Variants in AKAP13 observed in about 807,000 individuals in gnomAD.
The protein encoded by AKAP13 is A-kinase anchoring protein 13, also known as A-kinase anchor protein 13.
AKAP13 carries 80 observed loss-of-function variants against 264.5 expected under a neutral mutation model. The ratio of observed to expected loss-of-function variants is 0.30; its 90% CI spans 0.25 to 0.36. The LOEUF is 0.36. AKAP13 is among the 10% of genes least tolerant of loss of function. AKAP13 has a pLI of 1.00. For synonymous variants in AKAP13, 1,380 were observed against 1,250.2 expected (o/e 1.10, Z -2.19); for missense variants, 3,712 against 3,435.2 (o/e 1.08, Z -2.01).
chr15:85,464,979 C>T (rs573876842), intron 1 of AKAP13, among the ~76,000 whole-genome samples: 2 of 152,264 alleles, frequency 1.3e-5, no homozygotes, highest in East Asian at 3.9e-4. Context: ...CTTGCTCTGT[C>T]GCCCAGGCTG....
intron 1 of AKAP13, among the ~76,000 whole-genome samples, chr15:85,381,445 A>G (rs998863520): frequency 1.8e-4 from 26 of 142,496 alleles, no homozygotes; most frequent in Middle Eastern, 4.0e-3. Flanking sequence ...CCGTGCAGCC[A>G]GCCGGCTCAG....
At chr15:85,633,445 A>C (rs551061535) in intron 8 of AKAP13, among the ~76,000 whole-genome samples, 52 of 152,100 alleles carry the variant, frequency 3.4e-4, no homozygotes, top group African/African-American at 1.1e-3. Flanking sequence ...ATTAGCAGAG[A>C]ATCTTATTTC....
At chr15:85,561,952 A>G (rs925516267) in intron 5 of AKAP13, among the ~76,000 whole-genome samples, 1 of 152,190 alleles carries the variant, frequency 6.6e-6, no homozygotes, top group Non-Finnish European at 1.5e-5. Flanking sequence ...TCTCTGCTAC[A>G]AAATAGGCAG....
At chr15:85,524,574 G>C (rs1567104650) in intron 3 of AKAP13, among the ~76,000 whole-genome samples, 1 of 151,836 alleles carries the variant, frequency 6.6e-6, no homozygotes, top group Non-Finnish European at 1.5e-5. Flanking sequence ...TGTGTGTTTT[G>C]TAACATTTTA....
At chr15:85,467,075 T>TACACACAC (rs3054059) in intron 1 of AKAP13, among the ~76,000 whole-genome samples, 1 of 149,388 alleles carries the variant, frequency 6.7e-6, no homozygotes, top group African/African-American at 2.5e-5. Flanking sequence ...TTGTATTAAC[T>TACACACAC]ACACACACAC....
rs2087403628 is a variant in AKAP13 at position 85,723,271 on chromosome 15, T to C, written c.6696T>C (p.Leu2232=). The change falls in exon 26 of 37, where the codon CTT becomes CTC. Residue 2232 remains leucine, a synonymous_variant. Transcript: ENST00000394518. ...AGGAAGATTTGAAACGGAAGAAGCT[T>C]GTACGTGATGGGAGTGTGTTTCTGA... The part of the protein sequence containing the change: ...FAKEDLKRKK[L]VRDGSVFLKN... 1 of 1,613,986 alleles carries C rather than the reference T, an allele frequency of 6.2e-7. No homozygotes were observed. The highest frequency in any genetic ancestry group is 1.3e-5 in the African/African-American group (1 of 74,924).
intron 1 of AKAP13, among the ~76,000 whole-genome samples, chr15:85,425,915 A>C (rs2072756244): frequency 6.6e-6 from 1 of 151,988 alleles, no homozygotes; most frequent in Non-Finnish European, 1.5e-5. Flanking sequence ...AAAAAAAAAA[A>C]GAGTCATTAT....
intron 15 of AKAP13, among the ~76,000 whole-genome samples, chr15:85,683,286 G>T (rs1175722818): frequency 1.3e-5 from 2 of 152,130 alleles, no homozygotes; most frequent in Non-Finnish European, 2.9e-5. Flanking sequence ...ACTGACTGTT[G>T]ACAGGACCCC....
intron 2 of AKAP13, among the ~76,000 whole-genome samples, chr15:85,488,286 A>G (rs1049535988): frequency 2.6e-5 from 4 of 152,238 alleles, no homozygotes; most frequent in Non-Finnish European, 4.4e-5. Context: ...GTATCATTTG[A>G]TAATGCTGCA....
At chr15:85,520,498 C>CAAAAAAAAAAAAAAAAAA (rs71468111) in intron 2 of AKAP13, among the ~76,000 whole-genome samples, 1 of 71,294 alleles carries the variant, frequency 1.4e-5, no homozygotes, top group Admixed American at 1.5e-4. Context: ...AACTCCGTCT[C>CAAAAAAAAAAAAAAAAAA]AAAAAAAAAA....
At chr15:85,394,571 C>A (rs2071024737) in intron 1 of AKAP13, among the ~76,000 whole-genome samples, 2 of 152,190 alleles carry the variant, frequency 1.3e-5, no homozygotes, top group African/African-American at 4.8e-5. Flanking sequence ...AGCTCTATAA[C>A]TAGATACTTT....
rs141458608 is a variant in AKAP13 at position 85,387,823 on chromosome 15, G to C, written c.-12+7025G>C. On this transcript the variant is annotated intron_variant, in intron 1 of 36. Coordinates refer to ENST00000394518, the MANE Select transcript of AKAP13 (RefSeq NM_007200.5). The stretch of plus-strand genomic sequence containing the variant: ...ATTTCATGTATTCTGGTGTTGTTGT[G>C]AATGATACTTCTCAATTTCCAGTTG... Among the ~76,000 whole-genome samples the C allele has an allele frequency of 2.2e-4, 33 of 152,254 alleles. 1 individual carries two copies. In the East Asian group the frequency reaches 6.4e-3, roughly 29 times the overall value.
At chr15:85,507,694 G>A (rs546947814) in intron 2 of AKAP13, among the ~76,000 whole-genome samples, 1 of 152,298 alleles carries the variant, frequency 6.6e-6, no homozygotes. Flanking sequence ...GACAGGTGGT[G>A]GTCGTGTGGC....
chr15:85,624,555 T>G (rs7179371), intron 8 of AKAP13: 7 of 152,128 alleles, frequency 4.6e-5, no homozygotes, highest in African/African-American at 1.7e-4. Context: ...ACTCAGATAC[T>G]GTCCAATTCC....
chr15:85,551,911 G>T (rs953967800), intron 5 of AKAP13, among the ~76,000 whole-genome samples: 1 of 152,096 alleles, frequency 6.6e-6, no homozygotes, highest in Non-Finnish European at 1.5e-5. Context: ...TTTCTTAAAC[G>T]CATACCAATA....
chr15:85,499,040 G>T (rs2075968303), intron 2 of AKAP13, among the ~76,000 whole-genome samples: 1 of 152,214 alleles, frequency 6.6e-6, no homozygotes. Context: ...ACGGCTGACT[G>T]TGTAACCCAT....
At chr15:85,386,421 G>A (rs1407681605) in intron 1 of AKAP13, among the ~76,000 whole-genome samples, 1 of 151,682 alleles carries the variant, frequency 6.6e-6, no homozygotes, top group Admixed American at 6.6e-5. Flanking sequence ...AGCCTCCTGA[G>A]TAGCTGGGAT....
intron 17 of AKAP13, among the ~76,000 whole-genome samples, chr15:85,703,235 T>A (rs2151673349): frequency 6.6e-6 from 1 of 152,290 alleles, no homozygotes; most frequent in East Asian, 1.9e-4. Context: ...GAGAATAAAA[T>A]ACATATAGTT....
chr15:85,638,965 G>A (rs2082186684), intron 8 of AKAP13, among the ~76,000 whole-genome samples: 1 of 152,094 alleles, frequency 6.6e-6, no homozygotes, highest in African/African-American at 2.4e-5. Context: ...TGCCACATTT[G>A]CCAGACTTGT....
Sources: allele counts gnomAD v4.1 joint callset (sites outside exome capture counted in the v4.1 genomes callset), GRCh38; gene constraint gnomAD v4.1.1; transcripts MANE v1.5; gene names NCBI Gene and HGNC (gene_info 2026-07-23, HGNC 2026-07-21).